The following PAM variants were observed in gnomAD, a reference collection of about 807,000 sequenced individuals.
PAM encodes peptidyl-glycine alpha-amidating monooxygenase.
A neutral mutation model predicts 122.1 loss-of-function variants in PAM; 72 were observed. That is an observed-to-expected ratio of 0.59 (90% CI 0.49 to 0.72). The LOEUF (loss-of-function observed/expected upper bound fraction) is 0.72, where lower values mean the gene tolerates loss of function less well. Among genes scored for constraint, PAM ranks in the 30% least tolerant of loss-of-function variants. The pLI is 0.00. For missense variants in PAM, 1,106 were observed against 1,183.7 expected (o/e 0.93, Z 0.96); for synonymous variants, 389 against 404.4 (o/e 0.96, Z 0.46).
intron 5 of PAM, among the ~76,000 whole-genome samples, chr5:102,922,932 C>T (rs1228045709): frequency 2.0e-5 from 3 of 152,192 alleles, no homozygotes; most frequent in East Asian, 1.9e-4. Context: ...CCTTTTAGCA[C>T]ACTTGGCACA....
At chr5:102,924,918 A>G in intron 5 of PAM, 39 bp from the exon 6 acceptor site, 1 of 1,079,472 alleles carries the variant, frequency 9.3e-7, no homozygotes, top group Non-Finnish European at 1.4e-6. Context: ...GCATTTCACT[A>G]TTTAAATCTT....
At chr5:102,975,824 G>T (rs944331098) in intron 15 of PAM, among the ~76,000 whole-genome samples, 7 of 152,154 alleles carry the variant, frequency 4.6e-5, no homozygotes, top group African/African-American at 1.7e-4. Flanking sequence ...AATGTGAGTT[G>T]CAGCATGCTT....
At chr5:103,028,780 C>A in intron 25 of PAM, 107 bp from the exon 26 acceptor site, 1 of 670,576 alleles carries the variant, frequency 1.5e-6, no homozygotes, top group Non-Finnish European at 2.6e-6. Context: ...ATAAAATAAT[C>A]TCCCCTTTCC....
intron 3 of PAM, among the ~76,000 whole-genome samples, chr5:102,875,853 G>A (rs1789007881): frequency 6.6e-6 from 1 of 152,206 alleles, no homozygotes; most frequent in South Asian, 2.1e-4. Flanking sequence ...AAGTTTCCCA[G>A]TCGCTGATAG....
At chr5:102,934,246 G>A (rs1260238458) in intron 7 of PAM, among the ~76,000 whole-genome samples, 2 of 152,130 alleles carry the variant, frequency 1.3e-5, no homozygotes, top group African/African-American at 4.8e-5. Flanking sequence ...GACATAAATA[G>A]CACCATCTAA....
intron 1 of PAM, among the ~76,000 whole-genome samples, chr5:102,842,356 T>A (rs1778869755): frequency 6.6e-6 from 1 of 152,106 alleles, no homozygotes; most frequent in Admixed American, 6.6e-5. Flanking sequence ...GTAATTGAAT[T>A]GTGGAAGCAG....
At position 103,018,808 on chromosome 5, in the gene PAM, G is replaced by C. The variant is rs1052864717; in HGVS notation, c.2432-982G>C. On this transcript the variant is annotated intron_variant, in intron 22 of 25. Coordinates refer to ENST00000438793, the MANE Select transcript of PAM (RefSeq NM_001177306.2). ...GAGGCCCTGTATACCGTGATCCCCAGCCTTTTTGGCATTAAGGGACCAGTT... is the reference window on the plus strand; with the variant it reads ...GAGGCCCTGTATACCGTGATCCCCACCCTTTTTGGCATTAAGGGACCAGTT... Among the ~76,000 whole-genome samples the C allele has an allele frequency of 4.6e-5, 7 of 152,236 alleles. No individual in the cohort carries two copies. The South Asian group carries it at 1.5e-3, about 32-fold the overall frequency.
At chr5:102,792,032 T>C (rs561418951) in intron 1 of PAM, among the ~76,000 whole-genome samples, 185 of 152,300 alleles carry the variant, frequency 1.2e-3, no homozygotes, top group Non-Finnish European at 2.3e-3. Context: ...AAATGGACTA[T>C]TGCTCAGATT....
intron 1 of PAM, among the ~76,000 whole-genome samples, chr5:102,801,316 G>A (rs1369503792): frequency 1.3e-5 from 2 of 152,060 alleles, no homozygotes; most frequent in African/African-American, 4.8e-5. Context: ...CAGGGCATTC[G>A]ATTCAAATGG....
At chr5:103,011,970 G>T (rs1392668029) in intron 21 of PAM, among the ~76,000 whole-genome samples, 2 of 152,156 alleles carry the variant, frequency 1.3e-5, no homozygotes, top group Non-Finnish European at 2.9e-5. Context: ...GGTGTTAGAT[G>T]ATATCTTATT....
intron 7 of PAM, among the ~76,000 whole-genome samples, chr5:102,931,148 T>G (rs564671007): frequency 6.6e-6 from 1 of 152,310 alleles, no homozygotes; most frequent in South Asian, 2.1e-4. Context: ...AAGGATAAAT[T>G]TCCCTAAATA....
At chr5:102,953,988 G>A (rs73175488) in intron 12 of PAM, among the ~76,000 whole-genome samples, 2,163 of 152,104 alleles carry the variant, frequency 0.014, 44 homozygotes, top group African/African-American at 0.05. Context: ...GCTTCAGACT[G>A]GGCTATAGAG....
intron 20 of PAM, among the ~76,000 whole-genome samples, chr5:103,007,898 CCAAA>C (rs1236547366): frequency 2.0e-5 from 3 of 151,876 alleles, no homozygotes; most frequent in Non-Finnish European, 4.4e-5. Flanking sequence ...AAAAATGTTC[CCAAA>C]CATTGATTTT....
chr5:102,854,640 C>G, intron 1 of PAM, among the ~76,000 whole-genome samples: 1 of 152,050 alleles, frequency 6.6e-6, no homozygotes. Context: ...TATTGCTAGT[C>G]ACTGTGGGAA....
intron 3 of PAM, among the ~76,000 whole-genome samples, chr5:102,899,631 A>G (rs989661191): frequency 2.6e-5 from 4 of 151,730 alleles, no homozygotes; most frequent in African/African-American, 9.7e-5. Flanking sequence ...ATATATTAGT[A>G]TAATGCACAG....
chr5:102,982,005 G>C (rs1770048588), intron 15 of PAM, among the ~76,000 whole-genome samples: 1 of 152,086 alleles, frequency 6.6e-6, no homozygotes, highest in Admixed American at 6.5e-5. Flanking sequence ...CCATCAGAGA[G>C]CCTGAAGACA....
chr5:102,924,452 CA>C (rs1268386897), intron 5 of PAM, among the ~76,000 whole-genome samples: 7 of 135,986 alleles, frequency 5.1e-5, no homozygotes, highest in Admixed American at 1.5e-4. Flanking sequence ...AAAAAAAAAA[CA>C]AAAAAACTCT....
At chr5:102,841,990 T>C (rs533546260) in intron 1 of PAM, among the ~76,000 whole-genome samples, 1 of 152,092 alleles carries the variant, frequency 6.6e-6, no homozygotes, top group South Asian at 2.1e-4. Flanking sequence ...TACACAAAAA[T>C]TGAGTAACTG....
At chr5:102,963,354 A>G (rs1763082643) in intron 14 of PAM, among the ~76,000 whole-genome samples, 1 of 151,982 alleles carries the variant, frequency 6.6e-6, no homozygotes, top group Admixed American at 6.6e-5. Flanking sequence ...ATTTGTTTGC[A>G]CAAAGTGTCT....
Sources: allele counts gnomAD v4.1 joint callset (sites outside exome capture counted in the v4.1 genomes callset), GRCh38; gene constraint gnomAD v4.1.1; transcripts MANE v1.5; gene names NCBI Gene and HGNC (gene_info 2026-07-23, HGNC 2026-07-21).